The following SNTB1 variants were observed in gnomAD, a reference collection of about 807,000 sequenced individuals.
SNTB1 encodes the protein syntrophin beta 1.
Under a neutral mutation model 48.9 loss-of-function variants are expected in SNTB1, and 36 were observed. The observed-to-expected ratio is 0.74, with a 90% CI of 0.56 to 0.97. The LOEUF is 0.97. Among genes scored for constraint, SNTB1 ranks in the 50% least tolerant of loss-of-function variants. The pLI is 0.00. For synonymous variants in SNTB1, 299 were observed against 294.6 expected (o/e 1.01, Z -0.15); for missense variants, 786 against 703.4 (o/e 1.12, Z -1.33).
chr8:120,771,625 G>A (rs75037499), intron 1 of SNTB1, among the ~76,000 whole-genome samples: 5,852 of 151,788 alleles, frequency 0.039, 379 homozygotes, highest in African/African-American at 0.13. Context: ...ACTTCAGCTC[G>A]AGGGTGTGAC....
At chr8:120,600,260 C>T (rs1395916795) in intron 3 of SNTB1, among the ~76,000 whole-genome samples, 1 of 152,232 alleles carries the variant, frequency 6.6e-6, no homozygotes, top group African/African-American at 2.4e-5. Flanking sequence ...GCACTTGGAA[C>T]ACTGCGCCCC....
intron 3 of SNTB1, among the ~76,000 whole-genome samples, chr8:120,577,479 C>A (rs1815969649): frequency 1.3e-5 from 2 of 152,126 alleles, no homozygotes; most frequent in Admixed American, 1.3e-4. Context: ...GGTCTCAAGG[C>A]ATAAAGTGTT....
chr8:120,630,412 G>A (rs977977423), intron 3 of SNTB1, among the ~76,000 whole-genome samples: 1 of 152,186 alleles, frequency 6.6e-6, no homozygotes, highest in Non-Finnish European at 1.5e-5. Flanking sequence ...GGATGGTAGT[G>A]GCTTCTTACT....
intron 1 of SNTB1, among the ~76,000 whole-genome samples, chr8:120,761,732 ACTG>A (rs1397906198): frequency 1.3e-5 from 2 of 152,220 alleles, no homozygotes; most frequent in Admixed American, 1.3e-4. Context: ...CTGGAAGAAA[ACTG>A]CTTTTTTCAG....
chr8:120,773,097 G>A lies in SNTB1; in HGVS notation c.571+38176C>T, dbSNP rs537362340. On this transcript the variant is annotated intron_variant, in intron 1 of 6. Transcript: ENST00000517992. The stretch of plus-strand genomic sequence containing the variant: ...AAAAAAAAGCCCACTGAGGACATAC[G>A]TGTGAAATAATAATTTTAAAAAATC... 2.9e-4 allele frequency among the ~76,000 whole-genome samples: 44 copies of A among 152,238 alleles called. 1 individual carries two copies. Among genetic ancestry groups the A allele is most frequent in the Admixed American group, 2.5e-3 (38 of 15,300 alleles).
intron 2 of SNTB1, among the ~76,000 whole-genome samples, chr8:120,676,735 A>T (rs1373325024): frequency 6.6e-6 from 1 of 152,228 alleles, no homozygotes; most frequent in Non-Finnish European, 1.5e-5. Flanking sequence ...TGACCAAGGT[A>T]CATGTTCTAA....
chr8:120,592,908 G>A (rs895237722), intron 3 of SNTB1, among the ~76,000 whole-genome samples: 6 of 152,062 alleles, frequency 3.9e-5, no homozygotes, highest in African/African-American at 9.7e-5. Flanking sequence ...CGCTGCCGGC[G>A]TTCTGTAAAT....
intron 1 of SNTB1, among the ~76,000 whole-genome samples, chr8:120,747,492 T>A (rs1358706774): frequency 6.6e-6 from 1 of 152,178 alleles, no homozygotes; most frequent in Non-Finnish European, 1.5e-5. Flanking sequence ...GGTTTTGCCA[T>A]GTTGGCCAAG....
chr8:120,623,683 A>G (rs1292298479), intron 3 of SNTB1, among the ~76,000 whole-genome samples: 1 of 152,180 alleles, frequency 6.6e-6, no homozygotes. Flanking sequence ...ATCCTGTTTC[A>G]GGTAGGGAAT....
At chr8:120,566,317 A>C (rs1018089007) in intron 4 of SNTB1, among the ~76,000 whole-genome samples, 14 of 142,180 alleles carry the variant, frequency 9.8e-5, no homozygotes, top group Non-Finnish European at 2.0e-4. Flanking sequence ...CGACAAGAGC[A>C]AGACTCTGTC....
intron 3 of SNTB1, among the ~76,000 whole-genome samples, chr8:120,618,307 T>C (rs1816746742): frequency 6.6e-6 from 1 of 152,242 alleles, no homozygotes; most frequent in African/African-American, 2.4e-5. Flanking sequence ...ATCTCCAGCT[T>C]ACTGCCTCAC....
intron 3 of SNTB1, among the ~76,000 whole-genome samples, chr8:120,578,685 CA>C (rs1412556793): frequency 6.6e-6 from 1 of 152,160 alleles, no homozygotes; most frequent in Non-Finnish European, 1.5e-5. Flanking sequence ...TCCCTGTAAT[CA>C]CTTCCACAGA....
chr8:120,709,202 A>C (rs1189911865), intron 1 of SNTB1, among the ~76,000 whole-genome samples: 6 of 152,202 alleles, frequency 3.9e-5, no homozygotes, highest in Non-Finnish European at 8.8e-5. Context: ...CTGGGGTCCT[A>C]ATTTTCTGAG....
At chr8:120,798,311 T>C (rs187519073) in intron 1 of SNTB1, among the ~76,000 whole-genome samples, 2 of 152,032 alleles carry the variant, frequency 1.3e-5, no homozygotes, top group East Asian at 3.9e-4. Context: ...TGGTCAAGCA[T>C]GAGAACCAGA....
At chr8:120,679,907 T>C (rs754068984) in intron 2 of SNTB1, among the ~76,000 whole-genome samples, 4 of 152,090 alleles carry the variant, frequency 2.6e-5, no homozygotes, top group Non-Finnish European at 5.9e-5. Flanking sequence ...GGGTACACAG[T>C]AGGTATAGAC....
At chr8:120,593,408 C>T (rs1302909961) in intron 3 of SNTB1, among the ~76,000 whole-genome samples, 2 of 152,194 alleles carry the variant, frequency 1.3e-5, no homozygotes, top group African/African-American at 4.8e-5. Flanking sequence ...ATCTCAAGGT[C>T]TTGCAGCCAA....
intron 1 of SNTB1, among the ~76,000 whole-genome samples, chr8:120,729,766 T>C (rs1818821250): frequency 6.6e-6 from 1 of 152,266 alleles, no homozygotes; most frequent in African/African-American, 2.4e-5. Context: ...GAAGAAGGAC[T>C]ATGCCTAATT....
Position 120,538,902 on chromosome 8 carries a change from A to G in SNTB1, c.1592T>C (p.Ile531Thr), listed in dbSNP as rs139912456. Residue 531 changes from isoleucine to threonine, a missense_variant, in exon 7 of 7, where the codon ATT becomes ACT. Coordinates refer to ENST00000517992, the MANE Select transcript of SNTB1 (RefSeq NM_021021.4). ...TCAGGCCACCAAGCCCAGTCTTGTA[A>G]TCTTAGCTGACAGGAAGGAATGAAT... ...FIIHSFLSAK[I>T]TRLGLVA 7 of 1,613,670 alleles carry G rather than the reference A, an allele frequency of 4.3e-6. No individual in the cohort carries two copies. Among genetic ancestry groups the G allele is most frequent in the Non-Finnish European group, 5.1e-6 (6 of 1,179,792 alleles).
chr8:120,628,862 T>C (rs1156439027), intron 3 of SNTB1, among the ~76,000 whole-genome samples: 1 of 152,040 alleles, frequency 6.6e-6, no homozygotes, highest in Non-Finnish European at 1.5e-5. Context: ...GGAAAGCAGA[T>C]TGTCCATAAT....
Sources: gnomAD v4.1 joint callset for allele counts (sites outside exome capture counted in the v4.1 genomes callset) on GRCh38, gnomAD v4.1.1 for gene constraint, MANE v1.5 for transcripts, NCBI Gene and HGNC (gene_info 2026-07-23, HGNC 2026-07-21) for gene names.